LRRC7: variants seen among roughly 807,000 people sequenced by gnomAD.
The protein encoded by LRRC7 is leucine-rich repeat-containing protein 7.
LRRC7 carries 23 observed loss-of-function variants against 175.7 expected under a neutral mutation model. That is an observed-to-expected ratio of 0.13 (90% CI 0.09 to 0.19). The LOEUF (loss-of-function observed/expected upper bound fraction) is 0.19. Among genes scored for constraint, LRRC7 ranks in the 10% least tolerant of loss-of-function variants. The probability of loss-of-function intolerance (pLI) is 1.00; values close to 1 mark genes in which losing one functional copy is unlikely to be tolerated. For synonymous variants in LRRC7, 685 were observed against 680.9 expected, an observed-to-expected ratio of 1.01 and a Z score of -0.09; for missense variants, 1,354 against 1,904.7, an observed-to-expected ratio of 0.71 and a Z score of 5.38.
At chr1:69,745,408 T>C (rs745381724) in intron 2 of LRRC7, among the ~76,000 whole-genome samples, 12 of 151,942 alleles carry the variant, frequency 7.9e-5, no homozygotes, top group Admixed American at 2.6e-4. Context: ...GTAAAAATAA[T>C]TAAGCAATTT....
intron 7 of LRRC7, among the ~76,000 whole-genome samples, chr1:69,850,755 A>G (rs1682885705): frequency 6.6e-6 from 1 of 152,108 alleles, no homozygotes; most frequent in African/African-American, 2.4e-5. Context: ...AGAGTAGTAG[A>G]TGAGGGGAAT....
rs1202442631 is a variant in LRRC7 at position 70,133,442 on chromosome 1, A to G, written c.*11555A>G. 6.6e-6 allele frequency among the ~76,000 whole-genome samples: 1 copy of G among 152,104 alleles called. No individual in the cohort carries two copies. The highest frequency in any genetic ancestry group is 6.6e-5 in the Admixed American group (1 of 15,266). On this transcript the variant is annotated 3_prime_UTR_variant, in exon 27 of 27. Coordinates refer to ENST00000651989, the MANE Select transcript of LRRC7 (RefSeq NM_001370785.2). The stretch of plus-strand genomic sequence containing the variant: ...CTCCATGTTGCCCAGGCTGGTCTTG[A>G]ACACCTGGGCTCTATCGATCCGACC...
rs1203738360 is a variant in LRRC7 at position 70,129,933 on chromosome 1, T to A, written c.*8046T>A. ...TTCCAAGTATTCGCTGTGTTTTATA[T>A]TTCAGCTTTTGCCCACACTATCCCT... On this transcript the variant is annotated 3_prime_UTR_variant, in exon 27 of 27. Coordinates refer to ENST00000651989, the MANE Select transcript of LRRC7 (RefSeq NM_001370785.2). Among the ~76,000 whole-genome samples, 1 of 152,184 alleles carries A rather than the reference T, an allele frequency of 6.6e-6. No individual in the cohort carries two copies. The highest frequency in any genetic ancestry group is 1.9e-4 in the East Asian group (1 of 5,192).
intron 3 of LRRC7, among the ~76,000 whole-genome samples, chr1:69,781,789 G>GAAA (rs1491570694): frequency 1.7e-4 from 4 of 23,008 alleles, no homozygotes; most frequent in South Asian, 1.7e-3. Flanking sequence ...AAGAAAGAAA[G>GAAA]GAAGGAAGGA....
intron 7 of LRRC7, among the ~76,000 whole-genome samples, chr1:69,886,569 C>T (rs537173540): frequency 2.1e-4 from 31 of 151,152 alleles, no homozygotes; most frequent in African/African-American, 7.5e-4. Flanking sequence ...GACTCTTTAT[C>T]CAATTTGCCA....
At chr1:69,638,204 C>G (rs1042106833) in intron 1 of LRRC7, among the ~76,000 whole-genome samples, 5 of 151,832 alleles carry the variant, frequency 3.3e-5, no homozygotes, top group African/African-American at 1.2e-4. Context: ...AGTAATCCAG[C>G]TCTCAGTAGC....
chr1:69,841,348 T>A (rs1044263210), intron 7 of LRRC7, among the ~76,000 whole-genome samples: 2 of 152,066 alleles, frequency 1.3e-5, no homozygotes, highest in Admixed American at 1.3e-4. Context: ...AGTGATGTAC[T>A]ATGATGTCTA....
At chr1:69,811,745 G>C (rs1677899930) in intron 4 of LRRC7, among the ~76,000 whole-genome samples, 1 of 152,004 alleles carries the variant, frequency 6.6e-6, no homozygotes, top group East Asian at 1.9e-4. Context: ...ACAGGGAGGG[G>C]AACATCACAC....
At chr1:70,121,578 G>A (rs903707384) in intron 26 of LRRC7, among the ~76,000 whole-genome samples, 3 of 152,010 alleles carry the variant, frequency 2.0e-5, no homozygotes, top group African/African-American at 4.8e-5. Context: ...GACATAATCG[G>A]TACTTAATAA....
chr1:69,662,682 CAACAT>C (rs1657655179), intron 1 of LRRC7, among the ~76,000 whole-genome samples: 1 of 152,226 alleles, frequency 6.6e-6, no homozygotes. Flanking sequence ...ACTATCAACT[CAACAT>C]AGTTGGCTGA....
At chr1:69,811,931 A>T (rs536812064) in intron 4 of LRRC7, among the ~76,000 whole-genome samples, 169 of 152,214 alleles carry the variant, frequency 1.1e-3, no homozygotes, top group South Asian at 8.1e-3. Flanking sequence ...AAAAATTTTT[A>T]AAAAAAGAGT....
intron 3 of LRRC7, among the ~76,000 whole-genome samples, chr1:69,765,456 C>G (rs1256653740): frequency 6.6e-6 from 1 of 152,090 alleles, no homozygotes; most frequent in Non-Finnish European, 1.5e-5. Flanking sequence ...AATGCAGAAT[C>G]ATATGCTTAT....
intron 2 of LRRC7, among the ~76,000 whole-genome samples, chr1:69,718,535 TG>T (rs1430374416): frequency 6.6e-6 from 1 of 151,756 alleles, no homozygotes; most frequent in African/African-American, 2.4e-5. Context: ...ACTGGAGCTC[TG>T]GGATTGGATA....
At chr1:69,956,755 T>C (rs1407269732) in intron 8 of LRRC7, among the ~76,000 whole-genome samples, 2 of 151,714 alleles carry the variant, frequency 1.3e-5, no homozygotes, top group East Asian at 1.9e-4. Context: ...CTGTAATATA[T>C]TTAAGAATAA....
chr1:69,717,857 A>AGAAAG (rs1557641587), intron 2 of LRRC7, among the ~76,000 whole-genome samples: 3 of 100,248 alleles, frequency 3.0e-5, no homozygotes, highest in Non-Finnish European at 4.5e-5. Context: ...AAGAAAGGAA[A>AGAAAG]GAAAGAAAGA....
At chr1:69,982,774 T>G (rs552168036) in intron 9 of LRRC7, among the ~76,000 whole-genome samples, 109 of 152,310 alleles carry the variant, frequency 7.2e-4, no homozygotes, top group Non-Finnish European at 1.1e-3. Context: ...TTCTACTCTT[T>G]CCATTTGCTG....
chr1:69,696,030 C>T (rs78771496), intron 2 of LRRC7, among the ~76,000 whole-genome samples: 35,168 of 152,184 alleles, frequency 0.23, 4,604 homozygotes, highest in South Asian at 0.33. Flanking sequence ...AGTGGAGCTG[C>T]GGGAATTGGG....
At chr1:69,867,825 T>G (rs1685106143) in intron 7 of LRRC7, among the ~76,000 whole-genome samples, 2 of 152,198 alleles carry the variant, frequency 1.3e-5, no homozygotes, top group South Asian at 4.1e-4. Flanking sequence ...TATAAACAGA[T>G]GCAAAAAGTT....
chr1:70,017,623 G>A (rs985695334), intron 14 of LRRC7, among the ~76,000 whole-genome samples: 2 of 152,080 alleles, frequency 1.3e-5, no homozygotes, highest in African/African-American at 4.8e-5. Context: ...TTACTGGTAC[G>A]TGAATTGTTC....
Sources: allele counts gnomAD v4.1 joint callset (sites outside exome capture counted in the v4.1 genomes callset), GRCh38; gene constraint gnomAD v4.1.1; transcripts MANE v1.5; gene names NCBI Gene and HGNC (gene_info 2026-07-23, HGNC 2026-07-21).